MRTFB: variants seen among roughly 807,000 people sequenced by gnomAD.
MRTFB encodes the protein myocardin related transcription factor B.
MRTFB carries 29 observed loss-of-function variants against 104.2 expected under a neutral mutation model. The ratio of observed to expected loss-of-function variants is 0.28; its 90% CI spans 0.21 to 0.38. MRTFB has a LOEUF of 0.38. Among genes scored for constraint, MRTFB ranks in the 10% least tolerant of loss-of-function variants. MRTFB has a pLI of 1.00. For synonymous variants in MRTFB, 535 were observed against 519.5 expected, an observed-to-expected ratio of 1.03 and a Z score of -0.41; for missense variants, 1,270 against 1,341.6, an observed-to-expected ratio of 0.95 and a Z score of 0.83.
chr16:14,160,725 A>G (rs560074318), intron 3 of MRTFB, among the ~76,000 whole-genome samples: 2 of 152,230 alleles, frequency 1.3e-5, no homozygotes, highest in African/African-American at 4.8e-5. Context: ...AAGTATCACT[A>G]TGGACTTACA....
chr16:14,075,847 G>T (rs1050324874), intron 1 of MRTFB, among the ~76,000 whole-genome samples: 27 of 152,226 alleles, frequency 1.8e-4, no homozygotes, highest in Non-Finnish European at 4.0e-4. Flanking sequence ...ACTCTGGTTT[G>T]TAGGTGGTTC....
rs2039623676 is a variant in MRTFB, at chr16:14,177,583, G to A, written c.155-32660G>A. Among the ~76,000 whole-genome samples the A allele has an allele frequency of 6.6e-6, 1 of 152,104 alleles. No homozygotes were observed. ...GAAAGAAAACTCATTTAGGCACTTTGGGAGGCCACAGCAGGAGGATTGCTT... is the reference window on the plus strand; with the variant it reads ...GAAAGAAAACTCATTTAGGCACTTTAGGAGGCCACAGCAGGAGGATTGCTT... On this transcript the variant is annotated intron_variant, in intron 3 of 16. Coordinates refer to ENST00000571589, the MANE Select transcript of MRTFB (RefSeq NM_001308142.2). This position sits in a 1 kb window ranked among gnomAD's most constrained non-coding sequence, Gnocchi z 4.7.
chr16:14,244,469 T>G (rs1003280147), intron 10 of MRTFB, among the ~76,000 whole-genome samples: 1 of 152,076 alleles, frequency 6.6e-6, no homozygotes, highest in African/African-American at 2.4e-5. Flanking sequence ...AAGAAAAGTT[T>G]CAAAGAAAAG....
intron 8 of MRTFB, among the ~76,000 whole-genome samples, chr16:14,225,031 A>G (rs1020514568): frequency 6.6e-6 from 1 of 152,146 alleles, no homozygotes; most frequent in African/African-American, 2.4e-5. Context: ...TACTAAAAAT[A>G]CAAAATTAGC....
intron 2 of MRTFB, among the ~76,000 whole-genome samples, chr16:14,112,620 T>G (rs1363740677): frequency 6.6e-6 from 1 of 152,250 alleles, no homozygotes; most frequent in African/African-American, 2.4e-5. Context: ...AGAAGTCTGA[T>G]GTTTTCATTT....
chr16:14,082,142 A>G (rs1161067332), intron 2 of MRTFB, among the ~76,000 whole-genome samples: 1 of 152,124 alleles, frequency 6.6e-6, no homozygotes, highest in Non-Finnish European at 1.5e-5. Context: ...CTTTTCCTCT[A>G]TGTTTTCTCC....
intron 2 of MRTFB, among the ~76,000 whole-genome samples, chr16:14,102,592 C>T (rs985369714): frequency 7.9e-5 from 12 of 152,194 alleles, no homozygotes; most frequent in African/African-American, 2.2e-4. Flanking sequence ...ACCACATCTA[C>T]GTTTAGACTT....
rs369340110 is a variant in MRTFB, at chr16:14,261,601, G to A, written c.*157G>A. The A allele has an allele frequency of 1.4e-5, 10 of 716,620 alleles. No individual in the cohort carries two copies. In the Admixed American group the frequency reaches 1.6e-4, roughly 11 times the overall value. The allele number at this position is 716,620 out of a possible 1,614,324, so 44.4% of individuals were successfully genotyped here. On this transcript the variant is annotated 3_prime_UTR_variant, in exon 17 of 17. Coordinates refer to ENST00000571589, the MANE Select transcript of MRTFB (RefSeq NM_001308142.2). The stretch of plus-strand genomic sequence containing the variant: ...AGGTCATAGCCTGGAACCCAAGTTT[G>A]AAAACATTTCATTGTGTTCAGTAGT...
At chr16:14,260,224 TAAAAG>T (rs1000031293) in intron 16 of MRTFB, among the ~76,000 whole-genome samples, 4 of 152,214 alleles carry the variant, frequency 2.6e-5, no homozygotes, top group African/African-American at 9.6e-5. Context: ...CACCTCACCT[TAAAAG>T]AAAAGGATCA....
intron 2 of MRTFB, among the ~76,000 whole-genome samples, chr16:14,132,939 A>G (rs914160628): frequency 2.0e-5 from 3 of 152,248 alleles, no homozygotes; most frequent in Non-Finnish European, 4.4e-5. Flanking sequence ...AGTCGTAGTA[A>G]TTTAACTAAA....
intron 2 of MRTFB, among the ~76,000 whole-genome samples, chr16:14,095,803 GGTTT>G (rs929037267): frequency 7.3e-4 from 111 of 152,188 alleles, no homozygotes; most frequent in African/African-American, 2.6e-3. Context: ...TGAATACTGT[GGTTT>G]GTTTTTTGAT....
chr16:14,178,778 C>A (rs1164592534), intron 3 of MRTFB, among the ~76,000 whole-genome samples: 1 of 151,734 alleles, frequency 6.6e-6, no homozygotes, highest in Non-Finnish European at 1.5e-5. Flanking sequence ...GAGACAAGTT[C>A]TCACTTCGTC....
At chr16:13,995,993 C>T in the MRTFB span, among the ~76,000 whole-genome samples, 44 of 152,194 alleles carry the variant, frequency 2.9e-4, no homozygotes, top group African/African-American at 8.7e-4. Flanking sequence ...ACCAGGCAGC[C>T]GGGCACGGTG....
chr16:14,065,638 A>C, the MRTFB span, among the ~76,000 whole-genome samples: 1 of 152,132 alleles, frequency 6.6e-6, no homozygotes, highest in South Asian at 2.1e-4. Context: ...CGAGCTACTC[A>C]GGAGGCTGAG....
At chr16:14,126,340 G>C (rs1185047647) in intron 2 of MRTFB, among the ~76,000 whole-genome samples, 1 of 152,010 alleles carries the variant, frequency 6.6e-6, no homozygotes, top group Non-Finnish European at 1.5e-5. Context: ...GTTACTTTAA[G>C]AGCTAACCTG....
At position 14,265,557 on chromosome 16, in the gene MRTFB, G is replaced by GTCTC. The variant is rs2043919394; in HGVS notation, c.*4117_*4120dup. 1 of 152,162 alleles carries GTCTC rather than the reference G, an allele frequency of 6.6e-6. No individual in the cohort carries two copies. Among genetic ancestry groups the GTCTC allele is most frequent in the African/African-American group, 2.4e-5 (1 of 41,428 alleles). The allele number at this position is 152,162 out of a possible 1,614,324, so 9.4% of individuals were successfully genotyped here. A position where few individuals can be genotyped will look rare whatever the true frequency, so the allele number is the denominator to read the frequency against. On this transcript the variant is annotated 3_prime_UTR_variant, in exon 17 of 17. Transcript: ENST00000571589. Reference sequence around the variant, plus strand: ...CCTTCAATAACTTGCTCATTCAGCAGTCTCTCTGAGCTACATTTTTATTTG... The same window carrying GTCTC: ...CCTTCAATAACTTGCTCATTCAGCAGTCTCTCTCTCTGAGCTACATTTTTATTTG...
chr16:14,183,703 G>C (rs996996475), intron 3 of MRTFB, among the ~76,000 whole-genome samples: 7 of 152,086 alleles, frequency 4.6e-5, no homozygotes, highest in African/African-American at 1.7e-4. Context: ...TGGGGGAAAT[G>C]CTCTGTAAAT....
chr16:14,110,919 A>G (rs965838624), intron 2 of MRTFB, among the ~76,000 whole-genome samples: 2 of 152,110 alleles, frequency 1.3e-5, no homozygotes, highest in African/African-American at 4.8e-5. Flanking sequence ...CAGTACTTCC[A>G]TCATGAGCAT....
At chr16:14,034,218 A>G in the MRTFB span, among the ~76,000 whole-genome samples, 128,877 of 152,256 alleles carry the variant, frequency 0.85, 54,912 homozygotes, top group Non-Finnish European at 0.9. Flanking sequence ...GAGGCCAGAT[A>G]TCTGAAAGCA....
Sources: gnomAD v4.1 joint callset for allele counts (sites outside exome capture counted in the v4.1 genomes callset) on GRCh38, gnomAD v4.1.1 for gene constraint, Gnocchi (gnomAD v3.1) non-coding constraint, MANE v1.5 for transcripts, NCBI Gene and HGNC (gene_info 2026-07-23, HGNC 2026-07-21) for gene names.